Variants in RIF1 observed in about 807,000 individuals in gnomAD.
The protein encoded by RIF1 is replication timing regulatory factor 1, also known as telomere-associated protein RIF1.
A neutral mutation model predicts 247.1 loss-of-function variants in RIF1; 45 were observed. That is an observed-to-expected ratio of 0.18 (90% CI 0.14 to 0.23). The LOEUF (loss-of-function observed/expected upper bound fraction) is 0.23. RIF1 is among the 10% of genes least tolerant of loss of function. RIF1 has a pLI of 1.00. For missense variants in RIF1, 2,967 were observed against 2,862.5 expected (o/e 1.04, Z -0.83); for synonymous variants, 1,087 against 978.8 (o/e 1.11, Z -2.06).
intron 9 of RIF1, chr2:151,492,214 G>A (rs766492564): frequency 6.8e-6 from 11 of 1,613,784 alleles, no homozygotes; most frequent in Non-Finnish European, 9.3e-6. Flanking sequence ...TACTCGTTCA[G>A]TGATAGGATC....
the RIF1 span, chr2:151,514,336 G>A: frequency 6.2e-7 from 1 of 1,612,132 alleles, no homozygotes; most frequent in Non-Finnish European, 8.5e-7. Flanking sequence ...GGATTTGAGT[G>A]GCATTCTTTG....
chr2:151,513,843 G>A, the RIF1 span: 4 of 645,060 alleles, frequency 6.2e-6, no homozygotes, highest in Non-Finnish European at 1.1e-5. Context: ...CTTCCGTGTG[G>A]TAGGATGAAG....
chr2:151,512,667 T>G (rs561730361), downstream of RIF1: 2 of 1,120,626 alleles, frequency 1.8e-6, no homozygotes, highest in South Asian at 2.6e-5. Context: ...AGGTATTTAT[T>G]AATGGAAGGA....
chr2:151,452,439 T>C (rs529472097), intron 21 of RIF1, among the ~76,000 whole-genome samples: 1 of 152,360 alleles, frequency 6.6e-6, no homozygotes, highest in African/African-American at 2.4e-5. Flanking sequence ...TGTTTAAAGA[T>C]TAGGGACATA....
Position 151,465,318 on chromosome 2 carries a change from C to T in RIF1, c.5798C>T (p.Thr1933Ile). ...GCTAGCTTTCATGGACAAGAGAGAA[C>T]CAAAACTGGTATTTCTGAAGAAGCA... ...NEASFHGQER[T>I]KTGISEEAAI... Residue 1933 changes from threonine to isoleucine, a missense_variant, in exon 30 of 36, where the codon ACC becomes ATC. By Grantham distance (89) the Thr-to-Ile change is moderately conservative. Coordinates refer to ENST00000444746, the MANE Select transcript of RIF1 (RefSeq NM_018151.5). 6.2e-7 allele frequency: 1 copy of T among 1,613,646 alleles called. No homozygotes were observed. Among genetic ancestry groups the T allele is most frequent in the Non-Finnish European group, 8.5e-7 (1 of 1,179,918 alleles).
At chr2:151,529,396 T>C in the RIF1 span, 4 of 891,152 alleles carry the variant, frequency 4.5e-6, no homozygotes, top group Admixed American at 7.8e-5. Context: ...ATTAAATCCA[T>C]GCATGACTAT....
At chr2:151,450,988 A>G (rs933573947) in intron 20 of RIF1, among the ~76,000 whole-genome samples, 4 of 152,172 alleles carry the variant, frequency 2.6e-5, no homozygotes, top group African/African-American at 7.2e-5. Flanking sequence ...AGTATTTCCA[A>G]TCTCAGTTTA....
chr2:151,444,550 A>G (rs1692918352), intron 18 of RIF1, among the ~76,000 whole-genome samples: 2 of 152,262 alleles, frequency 1.3e-5, no homozygotes, highest in African/African-American at 4.8e-5. Context: ...CCTTAGCCTC[A>G]GCCTCCCAAA....
intron 10 of RIF1, among the ~76,000 whole-genome samples, chr2:151,496,547 TCTGCACCCTCTAGAGAAGCAGGGAC>T: frequency 6.6e-6 from 1 of 152,306 alleles, no homozygotes; most frequent in East Asian, 1.9e-4. Flanking sequence ...GGATGGGGAA[TCTGCACCCTCTAGAGAAGCAGGGAC>T]CTCAGCTGCT....
chr2:151,430,541 C>T (rs1025963014), intron 9 of RIF1, among the ~76,000 whole-genome samples: 5 of 151,876 alleles, frequency 3.3e-5, no homozygotes, highest in Non-Finnish European at 5.9e-5. Flanking sequence ...AGGCTGGTCT[C>T]GAACTTCTGA....
the RIF1 span, chr2:151,526,823 G>C: frequency 1.1e-6 from 1 of 918,258 alleles, no homozygotes; most frequent in Non-Finnish European, 1.7e-6. Flanking sequence ...GATGGAAGCA[G>C]CTCTTCTCCA....
chr2:151,493,580 G>A (rs964993668), intron 9 of RIF1: 10 of 741,560 alleles, frequency 1.3e-5, no homozygotes, highest in Non-Finnish European at 1.9e-5. Flanking sequence ...AAATGTTACG[G>A]TAGGAAGCAA....
rs1262958092 is a variant in RIF1 at position 151,481,015 on chromosome 2, C to T, written c.*5944C>T. 2 of 152,160 alleles carry T rather than the reference C, an allele frequency of 1.3e-5. No homozygotes were observed. Among genetic ancestry groups the T allele is most frequent in the Non-Finnish European group, 2.9e-5 (2 of 68,020 alleles). The allele number at this position is 152,160 out of a possible 1,614,324, so 9.4% of individuals were successfully genotyped here. On this transcript the variant is annotated 3_prime_UTR_variant, in exon 36 of 36. Transcript: ENST00000444746. ...ATGAAAACATATTAAATTAAAATTT[C>T]AGTATCCAGAAATAAAGTTTTATTG...
At chr2:151,512,853 G>A (rs764201824), downstream of RIF1, 9 of 1,537,354 alleles carry the variant, frequency 5.9e-6, no homozygotes, top group Admixed American at 1.7e-5. Flanking sequence ...AAACAACACC[G>A]AATAGTTGGG....
intron 27 of RIF1, 108 bp from the exon 28 acceptor site, chr2:151,462,134 A>G: frequency 1.6e-6 from 1 of 632,878 alleles, no homozygotes; most frequent in Non-Finnish European, 2.5e-6. Context: ...CAACCTCCCA[A>G]AGTGCTGGGA....
At chr2:151,442,846 A>G (rs1292856451) in intron 16 of RIF1, among the ~76,000 whole-genome samples, 2 of 141,000 alleles carry the variant, frequency 1.4e-5, no homozygotes, top group African/African-American at 2.6e-5. Flanking sequence ...ATCTCGGCTC[A>G]CTGCAACCTA....
intron 7 of RIF1, among the ~76,000 whole-genome samples, chr2:151,422,083 G>A (rs1688281008): frequency 6.6e-6 from 1 of 151,986 alleles, no homozygotes; most frequent in African/African-American, 2.4e-5. Context: ...GCCCGCCTCG[G>A]CCTCCCAAAG....
At chr2:151,419,219 G>A (rs969622622) in intron 6 of RIF1, among the ~76,000 whole-genome samples, 1 of 151,692 alleles carries the variant, frequency 6.6e-6, no homozygotes, top group African/African-American at 2.4e-5. Context: ...ATACAAGTAG[G>A]AGTAAACTCT....
rs765365931 is a variant in RIF1, at chr2:151,463,851, G to A, written c.4331G>A (p.Arg1444His). The change falls in exon 30 of 36, where the codon CGT (arginine) becomes CAT (histidine). Residue 1444 changes from arginine to histidine, a missense_variant. Arg to His is a conservative substitution (Grantham distance 29). Coordinates refer to ENST00000444746, the MANE Select transcript of RIF1 (RefSeq NM_018151.5). ...KENSHQKKER[R>H]KEEEKPLQKS... Reference sequence around the variant, plus strand: ...AATAGTCATCAAAAAAAGGAACGACGTAAGGAAGAAGAAAAACCTCTTCAG... The same window carrying A: ...AATAGTCATCAAAAAAAGGAACGACATAAGGAAGAAGAAAAACCTCTTCAG... The A allele has an allele frequency of 1.7e-5, 27 of 1,612,448 alleles. No homozygotes were observed. Among genetic ancestry groups the A allele is most frequent in the South Asian group, 2.2e-5 (2 of 90,708 alleles).
Sources: gnomAD v4.1 joint callset for allele counts (sites outside exome capture counted in the v4.1 genomes callset) on GRCh38, gnomAD v4.1.1 for gene constraint, MANE v1.5 for transcripts, NCBI Gene and HGNC (gene_info 2026-07-23, HGNC 2026-07-21) for gene names.